The following DMD variants were observed in gnomAD, a reference collection of about 807,000 sequenced individuals.
The protein encoded by DMD is dystrophin, also known as mutant dystrophin.
Under a neutral mutation model 330.1 loss-of-function variants are expected in DMD, and 63 were observed. That is an observed-to-expected ratio of 0.19 (90% confidence interval 0.16 to 0.24). The LOEUF is 0.24. DMD is among the 10% of genes least tolerant of loss of function. The pLI, the probability that DMD is intolerant of heterozygous loss-of-function variation, is 1.00. For missense variants in DMD, 3,344 were observed against 2,684.1 expected (o/e 1.25, Z -5.43); for synonymous variants, 1,223 against 959.8 (o/e 1.27, Z -5.07).
At chrX:32,223,825 G>T (rs1194037819) in intron 43 of DMD, among the ~76,000 whole-genome samples, 1 of 111,283 alleles carries the variant, frequency 9.0e-6, no homozygotes, top group Non-Finnish European at 1.9e-5. Flanking sequence ...ACCATTAATG[G>T]GACTTAGAAA....
At chrX:31,415,581 T>C (rs147041600) in intron 60 of DMD, among the ~76,000 whole-genome samples, 3 of 111,298 alleles carry the variant, frequency 2.7e-5, no homozygotes, top group Admixed American at 9.6e-5. Flanking sequence ...TTAGGAGGAG[T>C]CCTTTTCTCA....
chrX:33,088,083 G>A (rs2095033505), intron 1 of DMD, among the ~76,000 whole-genome samples: 1 of 110,943 alleles, frequency 9.0e-6, no homozygotes, highest in African/African-American at 3.3e-5. Context: ...TTGAGATGGA[G>A]TCTCTGTCAC....
intron 47 of DMD, among the ~76,000 whole-genome samples, chrX:31,918,647 TG>T (rs1177134768): frequency 2.3e-4 from 25 of 110,390 alleles, no homozygotes; most frequent in Admixed American, 5.8e-4. Context: ...TTTTTTTTTT[TG>T]TTTGTTTGAG....
chrX:32,222,276 G>A (rs2097134397), intron 43 of DMD, among the ~76,000 whole-genome samples: 2 of 111,521 alleles, frequency 1.8e-5, no homozygotes, highest in South Asian at 7.4e-4. Flanking sequence ...TACAGCAAAA[G>A]CAAGGCTAAG....
intron 2 of DMD, among the ~76,000 whole-genome samples, chrX:32,977,435 T>G (rs2092585837): frequency 8.9e-6 from 1 of 111,908 alleles, no homozygotes; most frequent in African/African-American, 3.2e-5. Flanking sequence ...GCCGACTTGG[T>G]TCTAAAGAAG....
At chrX:31,567,169 T>C (rs1486473414) in intron 55 of DMD, among the ~76,000 whole-genome samples, 1 of 111,815 alleles carries the variant, frequency 8.9e-6, no homozygotes, top group African/African-American at 3.2e-5. Flanking sequence ...CAAATAGAAA[T>C]AATTTTATTT....
At chrX:32,616,715 TCTTTA>T (rs1304019649) in intron 11 of DMD, among the ~76,000 whole-genome samples, 5,447 of 88,867 alleles carry the variant, frequency 0.061, 525 homozygotes, top group African/African-American at 0.24. Flanking sequence ...TTTTTTTTTT[TCTTTA>T]AAGAATGTTA....
chrX:31,540,079 A>C (rs1372175106), intron 55 of DMD, among the ~76,000 whole-genome samples: 1 of 112,428 alleles, frequency 8.9e-6, no homozygotes, highest in Non-Finnish European at 1.9e-5. Context: ...TGGATATCCA[A>C]AACAAACACT....
intron 74 of DMD, among the ~76,000 whole-genome samples, chrX:31,159,217 C>T (rs554292552): frequency 3.6e-5 from 4 of 111,602 alleles, no homozygotes; most frequent in African/African-American, 1.3e-4. Flanking sequence ...TTTACTTCCA[C>T]CATGGAAACA....
intron 48 of DMD, among the ~76,000 whole-genome samples, chrX:31,846,037 T>C (rs987823590): frequency 3.6e-4 from 40 of 109,893 alleles, no homozygotes; most frequent in African/African-American, 1.3e-3. Context: ...GAGAAGAAAG[T>C]TGAACCAAGA....
intron 7 of DMD, among the ~76,000 whole-genome samples, chrX:32,796,448 G>A (rs1339232547): frequency 9.0e-6 from 1 of 111,356 alleles, no homozygotes; most frequent in African/African-American, 3.3e-5. Flanking sequence ...TAAGATACCA[G>A]AGGCTAGGAA....
At chrX:32,487,066 C>G (rs1485548449) in intron 20 of DMD, among the ~76,000 whole-genome samples, 2 of 110,629 alleles carry the variant, frequency 1.8e-5, no homozygotes, top group Non-Finnish European at 3.8e-5. Context: ...AACAGGCAAC[C>G]TACAAAATGG....
intron 62 of DMD, among the ~76,000 whole-genome samples, chrX:31,297,184 T>A (rs762643895): frequency 9.0e-6 from 1 of 111,198 alleles, no homozygotes; most frequent in African/African-American, 3.3e-5. Context: ...GGACTACCTG[T>A]ATCAGTTTAT....
chrX:31,591,623 A>G (rs1369151667), intron 55 of DMD, among the ~76,000 whole-genome samples: 1 of 111,498 alleles, frequency 9.0e-6, no homozygotes, highest in Non-Finnish European at 1.9e-5. Flanking sequence ...TTGATCATCA[A>G]GTTTATGCAT....
rs762270647 is a variant in DMD at position 32,600,598 on chromosome X, G to GCGCACA, written c.1483-4723_1483-4722insTGTGCG. Among the ~76,000 whole-genome samples the GCGCACA allele has an allele frequency of 3.4e-4, 32 of 95,289 alleles. No individual in the cohort carries two copies. In the East Asian group the frequency reaches 7.1e-3, roughly 21 times the overall value. 82.7% of individuals were successfully genotyped at this position (95,289 alleles called of 115,157 possible). On this transcript the variant is annotated intron_variant, in intron 12 of 78. Coordinates refer to ENST00000357033, the MANE Select transcript of DMD (RefSeq NM_004006.3). Reference sequence around the variant, plus strand: ...GTCACACACACACAAACACGCACACGCACACACACACACACACACACACAC... The same window carrying GCGCACA: ...GTCACACACACACAAACACGCACACGCGCACACACACACACACACACACACACACAC...
intron 2 of DMD, among the ~76,000 whole-genome samples, chrX:32,965,037 G>A (rs966025049): frequency 7.3e-5 from 8 of 109,528 alleles, no homozygotes; most frequent in Non-Finnish European, 1.1e-4. Context: ...AACAAACCTA[G>A]ACAAAAGGTC....
chrX:31,715,412 G>A (rs1226472789), intron 52 of DMD, among the ~76,000 whole-genome samples: 13 of 104,461 alleles, frequency 1.2e-4, no homozygotes, highest in African/African-American at 3.5e-4. Flanking sequence ...GCATGGTGGC[G>A]CGCGCCTGTA....
intron 16 of DMD, among the ~76,000 whole-genome samples, chrX:32,561,059 G>C (rs755327639): frequency 9.0e-6 from 1 of 111,669 alleles, no homozygotes; most frequent in African/African-American, 3.3e-5. Flanking sequence ...CAGTGTAAAA[G>C]CATTCCCATT....
intron 30 of DMD, among the ~76,000 whole-genome samples, chrX:32,398,976 AAC>A (rs773960542): frequency 1.7e-4 from 19 of 112,111 alleles, no homozygotes; most frequent in African/African-American, 6.1e-4. Flanking sequence ...AAGTGCCAAG[AAC>A]ACACTTTGGG....
Sources: gnomAD v4.1 joint callset for allele counts (sites outside exome capture counted in the v4.1 genomes callset) on GRCh38, gnomAD v4.1.1 for gene constraint, MANE v1.5 for transcripts, NCBI Gene and HGNC (gene_info 2026-07-23, HGNC 2026-07-21) for gene names.